Variants in EPS15L1 observed in about 807,000 individuals in gnomAD.
EPS15L1 encodes the protein epidermal growth factor receptor pathway substrate 15 like 1.
A neutral mutation model predicts 117.1 loss-of-function variants in EPS15L1; 43 were observed. The observed-to-expected ratio is 0.37, with a 90% CI of 0.29 to 0.47. EPS15L1 has a LOEUF of 0.47. Ranked by LOEUF, EPS15L1 falls within the 20% of genes least tolerant of loss-of-function variation. The pLI is 0.99. For synonymous variants in EPS15L1, 459 were observed against 470.5 expected (o/e 0.98, Z 0.32); for missense variants, 981 against 1,164.0 (o/e 0.84, Z 2.29).
chr19:16,419,823 C>A (rs997664532), intron 10 of EPS15L1, among the ~76,000 whole-genome samples: 3 of 152,254 alleles, frequency 2.0e-5, no homozygotes, highest in Non-Finnish European at 1.5e-5. Flanking sequence ...TCTGCCCCTG[C>A]GGGCCCCAGC....
chr19:16,413,817 G>A lies in EPS15L1; in HGVS notation c.1222C>T (p.Arg408Ter), dbSNP rs2092731124. 6.2e-7 allele frequency: 1 copy of A among 1,613,664 alleles called. No individual in the cohort carries two copies. Among genetic ancestry groups the A allele is most frequent in the Non-Finnish European group, 8.5e-7 (1 of 1,179,616 alleles). The change falls in exon 13 of 24, where the codon CGA becomes TGA. Residue 408 changes from arginine (R) to a stop codon, truncating the protein, a stop_gained. Transcript: ENST00000455140. LOFTEE classifies it high-confidence loss of function. ...TGTCTGATTGCCTCTTCCTTTTCTC[G>A]AATGTCTTGTTCCAGTGAATATTTC... Reference protein sequence around the residue: ...REKYSLEQDIREKEEAIRQKT... With the variant: ...REKYSLEQDI
chr19:16,381,304 G>A lies in EPS15L1; in HGVS notation c.2247+3825C>T, dbSNP rs2092360057. ...CCACATCACACAGCAGGTCCACGGC[G>A]GATCCAGGGCTGCCACATCGTCTGC... On this transcript the variant is annotated intron_variant, in intron 21 of 23. Transcript: ENST00000455140. This position sits in a 1 kb window ranked among gnomAD's most constrained non-coding sequence, Gnocchi z 4.2. Among the ~76,000 whole-genome samples the A allele has an allele frequency of 1.3e-5, 2 of 152,248 alleles. No individual in the cohort carries two copies. The highest frequency in any genetic ancestry group is 1.3e-4 in the Admixed American group (2 of 15,288).
intron 4 of EPS15L1, among the ~76,000 whole-genome samples, chr19:16,438,875 CA>C (rs771423622): frequency 1.2e-4 from 18 of 151,980 alleles, no homozygotes; most frequent in Non-Finnish European, 2.4e-4. Context: ...GTCAGAAACT[CA>C]TATCTGTGGT....
At chr19:16,424,179 CT>C (rs2092844962) in intron 9 of EPS15L1, among the ~76,000 whole-genome samples, 1 of 152,198 alleles carries the variant, frequency 6.6e-6, no homozygotes, top group African/African-American at 2.4e-5. Flanking sequence ...TCGGGTGGCC[CT>C]TGGGAGGCCC....
chr19:16,408,943 C>T (rs2092682347), intron 13 of EPS15L1, among the ~76,000 whole-genome samples: 1 of 152,040 alleles, frequency 6.6e-6, no homozygotes, highest in African/African-American at 2.4e-5. Flanking sequence ...TGGCACTGGC[C>T]CAGCATGGTG....
At chr19:16,415,078 G>C (rs1195569134) in intron 12 of EPS15L1, among the ~76,000 whole-genome samples, 4 of 152,074 alleles carry the variant, frequency 2.6e-5, no homozygotes, top group African/African-American at 9.7e-5. Context: ...ATCACCAACT[G>C]GGTGGCTTGG....
At chr19:16,378,753 C>G (rs1240109569) in intron 21 of EPS15L1, among the ~76,000 whole-genome samples, 2 of 152,196 alleles carry the variant, frequency 1.3e-5, no homozygotes, top group Admixed American at 1.3e-4. Context: ...GCCAGCATAT[C>G]TCAGGCGTCT....
At chr19:16,412,106 A>G (rs2092712099) in intron 13 of EPS15L1, among the ~76,000 whole-genome samples, 1 of 152,006 alleles carries the variant, frequency 6.6e-6, no homozygotes, top group African/African-American at 2.4e-5. Flanking sequence ...ATTATTTTTT[A>G]TTTTTTTATT....
Position 16,355,469 on chromosome 19 carries a change from G to A in EPS15L1, c.*236C>T. The A allele has an allele frequency of 6.0e-6, 3 of 501,532 alleles. No homozygotes were observed. Among genetic ancestry groups the A allele is most frequent in the Non-Finnish European group, 1.1e-5 (3 of 284,438 alleles). 31.1% of individuals were successfully genotyped at this position (501,532 alleles called of 1,614,324 possible). On this transcript the variant is annotated 3_prime_UTR_variant, in exon 24 of 24. Coordinates refer to ENST00000455140, the MANE Select transcript of EPS15L1 (RefSeq NM_001258374.3). ...GCGGGAGGCAGTCAGCCCCGGGGGGGATGGCACAGTGGAGAGACGGACCTG... is the reference window on the plus strand; with the variant it reads ...GCGGGAGGCAGTCAGCCCCGGGGGGAATGGCACAGTGGAGAGACGGACCTG...
At chr19:16,455,770 C>A (rs769955238) in intron 1 of EPS15L1, among the ~76,000 whole-genome samples, 1 of 152,198 alleles carries the variant, frequency 6.6e-6, no homozygotes, top group Non-Finnish European at 1.5e-5. Flanking sequence ...TTGTCAATCA[C>A]CGGCTGTTGT....
At chr19:16,402,882 G>A (rs1208346660) in intron 15 of EPS15L1, among the ~76,000 whole-genome samples, 5 of 152,126 alleles carry the variant, frequency 3.3e-5, no homozygotes, top group Admixed American at 2.0e-4. Context: ...ACTGCACTGC[G>A]CAAAGCAACA....
At chr19:16,441,469 CAA>C in intron 3 of EPS15L1, 1 of 158,164 alleles carries the variant, frequency 6.3e-6, no homozygotes, top group Non-Finnish European at 1.4e-5. Context: ...GAGACTGTCT[CAA>C]AAAAAAAATT....
chr19:16,448,522 G>A (rs1230112415), intron 1 of EPS15L1, among the ~76,000 whole-genome samples: 2 of 132,244 alleles, frequency 1.5e-5, no homozygotes, highest in South Asian at 2.6e-4. Flanking sequence ...TGGGCAATAA[G>A]AGCAAAATTC....
At chr19:16,463,589 C>G (rs547839442) in intron 1 of EPS15L1, among the ~76,000 whole-genome samples, 1 of 152,342 alleles carries the variant, frequency 6.6e-6, no homozygotes, top group African/African-American at 2.4e-5. Context: ...CCATGCTACT[C>G]TTCCCTCAAC....
At chr19:16,441,099 C>T (rs1250085577) in intron 3 of EPS15L1, 190 bp from the exon 4 acceptor site, 6 of 644,260 alleles carry the variant, frequency 9.3e-6, no homozygotes, top group Non-Finnish European at 1.4e-5. Flanking sequence ...AGCCAGTCAG[C>T]GGCAGGGCCC....
chr19:16,438,174 G>A (rs578015156), intron 4 of EPS15L1, among the ~76,000 whole-genome samples: 3 of 152,034 alleles, frequency 2.0e-5, no homozygotes, highest in African/African-American at 4.8e-5. Flanking sequence ...CCAACATGGC[G>A]AAACCTCATT....
At chr19:16,380,218 A>G (rs1015346041) in intron 21 of EPS15L1, among the ~76,000 whole-genome samples, 2 of 146,582 alleles carry the variant, frequency 1.4e-5, no homozygotes, top group African/African-American at 5.1e-5. Flanking sequence ...TAGTCACACC[A>G]AAGCGGCCAT....
intron 1 of EPS15L1, among the ~76,000 whole-genome samples, chr19:16,457,058 CAGAG>C (rs928157097): frequency 3.9e-5 from 6 of 152,246 alleles, no homozygotes; most frequent in African/African-American, 1.4e-4. Context: ...AGGAAGTGAT[CAGAG>C]AGAGACTGCC....
chr19:16,466,589 G>A lies in EPS15L1; in HGVS notation c.33+5324C>T, dbSNP rs181348408. On this transcript the variant is annotated intron_variant, in intron 1 of 23. Transcript: ENST00000455140. ...GATGCCAAATAAATACTCACTGAACGAACAGTGTGATCTACAAAAGGCAGG... is the reference window on the plus strand; with the variant it reads ...GATGCCAAATAAATACTCACTGAACAAACAGTGTGATCTACAAAAGGCAGG... 7.6e-4 allele frequency among the ~76,000 whole-genome samples: 115 copies of A among 152,236 alleles called. 1 individual carries two copies. The highest frequency in any genetic ancestry group is 2.5e-3 in the African/African-American group (105 of 41,542).
Sources: gnomAD v4.1 joint callset for allele counts (sites outside exome capture counted in the v4.1 genomes callset) on GRCh38, gnomAD v4.1.1 for gene constraint, Gnocchi (gnomAD v3.1) non-coding constraint, MANE v1.5 for transcripts, NCBI Gene and HGNC (gene_info 2026-07-23, HGNC 2026-07-21) for gene names.